ASPH: variants seen among roughly 807,000 people sequenced by gnomAD.
ASPH encodes the protein aspartyl/asparaginyl beta-hydroxylase.
A neutral mutation model predicts 118.4 loss-of-function variants in ASPH; 100 were observed. That is an observed-to-expected ratio of 0.84 (90% CI 0.72 to 1.00). The LOEUF is 1.00. Among genes scored for constraint, ASPH ranks in the 50% least tolerant of loss-of-function variants. ASPH has a pLI of 0.00. For missense variants in ASPH, 920 were observed against 919.5 expected (o/e 1.00, Z -0.01); for synonymous variants, 315 against 325.6 (o/e 0.97, Z 0.35).
Position 61,646,873 on chromosome 8 carries a change from C to T in ASPH, c.496G>A (p.Gly166Arg), listed in dbSNP as rs773005532. 10 of 1,613,722 alleles carry T rather than the reference C, an allele frequency of 6.2e-6. No individual in the cohort carries two copies. Among genetic ancestry groups the T allele is most frequent in the African/African-American group, 5.3e-5 (4 of 74,890 alleles). The change falls in exon 6 of 25, where the codon GGA (glycine) becomes AGA (arginine). Residue 166 changes from glycine to arginine, a missense_variant. Transcript: ENST00000379454. ...HEMVHAEHVEGEDLQQEDGPT... is the reference protein window; with the variant it reads ...HEMVHAEHVEREDLQQEDGPT... ...CCATCTTCTTGTTGCAAGTCTTCTC[C>T]CTCAACTATGACAATGAACAAAGTG...
chr8:61,527,848 G>T (rs1280608265), intron 21 of ASPH, among the ~76,000 whole-genome samples: 2 of 152,174 alleles, frequency 1.3e-5, no homozygotes, highest in Admixed American at 6.5e-5. Flanking sequence ...TTGGTGCTAG[G>T]TGGTCTTGTT....
At chr8:61,685,672 T>A (rs771211941) in intron 1 of ASPH, among the ~76,000 whole-genome samples, 83 of 152,072 alleles carry the variant, frequency 5.5e-4, no homozygotes, top group Non-Finnish European at 1.1e-3. Context: ...ATGCATTTTT[T>A]AAAAATACAC....
chr8:61,598,055 G>T (rs1445579040), intron 14 of ASPH, among the ~76,000 whole-genome samples: 1 of 152,122 alleles, frequency 6.6e-6, no homozygotes, highest in African/African-American at 2.4e-5. Flanking sequence ...CGATAAAGGA[G>T]CAAAAAATAT....
chr8:61,518,143 T>C lies in ASPH; in HGVS notation c.1901-20A>G. On this transcript the variant is annotated intron_variant, in intron 22 of 24. Coordinates refer to ENST00000379454, the MANE Select transcript of ASPH (RefSeq NM_004318.4). ...TTCTTCCTAGAATAAATAACATAATTGTTGGAAACAAATCACAGTAAAGCT... is the reference window on the plus strand; with the variant it reads ...TTCTTCCTAGAATAAATAACATAATCGTTGGAAACAAATCACAGTAAAGCT... 3 of 1,600,520 alleles carry C rather than the reference T, an allele frequency of 1.9e-6. No individual in the cohort carries two copies. The South Asian group carries it at 3.3e-5, about 18-fold the overall frequency.
Position 61,536,509 on chromosome 8 carries a change from C to A in ASPH, c.1765-10397G>T, listed in dbSNP as rs150947652. 2.0e-3 allele frequency among the ~76,000 whole-genome samples: 308 copies of A among 152,284 alleles called. 1 individual carries two copies. Among genetic ancestry groups the A allele is most frequent in the African/African-American group, 6.6e-3 (276 of 41,558 alleles). ...AAAGCTTTATAATAGGAAGAGAAGG[C>A]TTCAGGCATGCTCTGAGTGGGGGCT... On this transcript the variant is annotated intron_variant, in intron 21 of 24. Transcript: ENST00000379454.
intron 21 of ASPH, among the ~76,000 whole-genome samples, chr8:61,528,647 G>A (rs1446534000): frequency 6.6e-6 from 1 of 152,134 alleles, no homozygotes; most frequent in South Asian, 2.1e-4. Context: ...AAATGTTAAA[G>A]TGATTGCATC....
Position 61,503,241 on chromosome 8 carries a change from CG to C in ASPH, c.*117del. On this transcript the variant is annotated 3_prime_UTR_variant, in exon 25 of 25. Transcript: ENST00000379454. ...CCCTAGGAGGAGGCTTTGAATTACTCGGGCTGCAAGTCAAGGGAATTGACTC... is the reference window on the plus strand; with the variant it reads ...CCCTAGGAGGAGGCTTTGAATTACTCGGCTGCAAGTCAAGGGAATTGACTC... 2.4e-6 allele frequency: 3 copies of C among 1,238,098 alleles called. No individual in the cohort carries two copies. The highest frequency in any genetic ancestry group is 3.2e-6 in the Non-Finnish European group (3 of 928,282). The allele number at this position is 1,238,098 out of a possible 1,614,324, so 76.7% of individuals were successfully genotyped here.
At chr8:61,707,590 A>C (rs980072862) in intron 1 of ASPH, among the ~76,000 whole-genome samples, 1 of 152,206 alleles carries the variant, frequency 6.6e-6, no homozygotes, top group African/African-American at 2.4e-5. Flanking sequence ...CCAATTCCAG[A>C]TTATGCCCTA....
At position 61,570,632 on chromosome 8, in the gene ASPH, A is replaced by C. The variant is rs1008434081; in HGVS notation, c.1150-3314T>G. Among the ~76,000 whole-genome samples, 3 of 152,220 alleles carry C rather than the reference A, an allele frequency of 2.0e-5. No individual in the cohort carries two copies. In the East Asian group the frequency reaches 5.8e-4, roughly 29 times the overall value. ...AAATATCACTACTAAAATGGCACAT[A>C]ATTCTTTATAAGCTCTTGAATAAAA... On this transcript the variant is annotated intron_variant, in intron 16 of 24. Coordinates refer to ENST00000379454, the MANE Select transcript of ASPH (RefSeq NM_004318.4).
intron 21 of ASPH, among the ~76,000 whole-genome samples, chr8:61,542,911 C>T (rs552074336): frequency 6.6e-6 from 1 of 152,168 alleles, no homozygotes; most frequent in African/African-American, 2.4e-5. Context: ...GCCTTCTCTC[C>T]TCTATGGTTT....
chr8:61,674,185 G>A (rs376648566), intron 3 of ASPH, among the ~76,000 whole-genome samples: 5 of 152,130 alleles, frequency 3.3e-5, no homozygotes, highest in African/African-American at 7.2e-5. Context: ...AGTATATCCC[G>A]GAAATTAGGC....
At chr8:61,623,714 T>G in intron 13 of ASPH, 1 of 152,294 alleles carries the variant, frequency 6.6e-6, no homozygotes, top group Middle Eastern at 3.4e-3. Flanking sequence ...TTGAAGAAAT[T>G]TACGCACTCT....
intron 3 of ASPH, among the ~76,000 whole-genome samples, chr8:61,667,200 G>C (rs1273035823): frequency 6.6e-6 from 1 of 151,994 alleles, no homozygotes; most frequent in Non-Finnish European, 1.5e-5. Context: ...AATATCACAG[G>C]CTTATAAAGA....
At chr8:61,709,167 AACC>A (rs1441403382) in intron 1 of ASPH, among the ~76,000 whole-genome samples, 4 of 152,200 alleles carry the variant, frequency 2.6e-5, no homozygotes, top group Non-Finnish European at 2.9e-5. Context: ...GTTAAAAGAT[AACC>A]ACATCAGCCA....
At chr8:61,663,292 C>CCTGGGAAGAATCACCAT in intron 3 of ASPH, 1 of 985,272 alleles carries the variant, frequency 1.0e-6, no homozygotes, top group Non-Finnish European at 1.2e-6. Context: ...CAGGTGTGCG[C>CCTGGGAAGAATCACCAT]CTGGGAAGAA....
At chr8:61,665,096 A>T (rs1818862419) in intron 3 of ASPH, 1 of 1,412,550 alleles carries the variant, frequency 7.1e-7, no homozygotes, top group Non-Finnish European at 9.2e-7. Context: ...GGTATATTTA[A>T]ATTTCAGGTA....
At position 61,517,524 on chromosome 8, in the gene ASPH, A is replaced by G; in HGVS notation, c.2126+4T>C. On this transcript the variant is annotated splice_donor_region_variant and intron_variant, in intron 24 of 24. Transcript: ENST00000379454. ...GGATATGACGGATAACAGAGGACCCATACTTGGTCTCGTTGGCACATCGAA... is the reference window on the plus strand; with the variant it reads ...GGATATGACGGATAACAGAGGACCCGTACTTGGTCTCGTTGGCACATCGAA... 1 of 1,613,838 alleles carries G rather than the reference A, an allele frequency of 6.2e-7. No homozygotes were observed.
intron 3 of ASPH, chr8:61,676,445 T>G: frequency 1.1e-6 from 1 of 871,264 alleles, no homozygotes; most frequent in Non-Finnish European, 1.7e-6. Context: ...GAAACGGTAT[T>G]TGGAAAATAA....
chr8:61,568,025 G>A (rs1427747934), intron 16 of ASPH, among the ~76,000 whole-genome samples: 1 of 152,136 alleles, frequency 6.6e-6, no homozygotes, highest in Non-Finnish European at 1.5e-5. Context: ...GTGAGGAATC[G>A]AGGACAGGCC....
Sources: allele counts gnomAD v4.1 joint callset (sites outside exome capture counted in the v4.1 genomes callset), GRCh38; gene constraint gnomAD v4.1.1; transcripts MANE v1.5; gene names NCBI Gene and HGNC (gene_info 2026-07-23, HGNC 2026-07-21).